SMC5: variants seen among roughly 807,000 people sequenced by gnomAD.
The protein encoded by SMC5 is structural maintenance of chromosomes protein 5.
SMC5 carries 88 observed loss-of-function variants against 148.3 expected under a neutral mutation model. The observed-to-expected ratio is 0.59, with a 90% CI of 0.50 to 0.71. The LOEUF (loss-of-function observed/expected upper bound fraction) is 0.71, where lower values mean the gene tolerates loss of function less well. SMC5 is among the 30% of genes least tolerant of loss of function. SMC5 has a pLI of 0.00. For synonymous variants in SMC5, 421 were observed against 432.8 expected (o/e 0.97, Z 0.34); for missense variants, 1,142 against 1,298.9 (o/e 0.88, Z 1.86).
chr9:70,323,512 A>G lies in SMC5; in HGVS notation c.2180A>G (p.Asn727Ser), dbSNP rs1162733084. 15 of 1,611,536 alleles carry G rather than the reference A, an allele frequency of 9.3e-6. No homozygotes were observed. Among genetic ancestry groups the G allele is most frequent in the African/African-American group, 1.3e-5 (1 of 74,828 alleles). The part of the protein sequence containing the change: ...SLKLMEQDTC[N>S]LEEEERKAST... ...AAGCTGATGGAACAGGATACTTGCA[A>G]TCTTGAAGAGGAAGAGCGAAAAGCA... Residue 727 changes from asparagine (N) to serine (S), a missense_variant, in exon 16 of 25, where the codon AAT becomes AGT. Around this residue, in one of 5 missense-constraint regions of SMC5, gnomAD observed 743 missense variants for 835.7 expected, o/e 0.89. Transcript: ENST00000361138.
rs2034657344 is a variant in SMC5, at chr9:70,278,484, G to A, written c.544-7G>A. On this transcript the variant is annotated splice_region_variant and splice_polypyrimidine_tract_variant and intron_variant, in intron 4 of 24. Coordinates refer to ENST00000361138, the MANE Select transcript of SMC5 (RefSeq NM_015110.4). ...ATAGTTGCTGATATTTAATTTTTGTGCTCTAGGACAAAGTTGGAGAATTTG... is the reference window on the plus strand; with the variant it reads ...ATAGTTGCTGATATTTAATTTTTGTACTCTAGGACAAAGTTGGAGAATTTG... 7 of 1,600,420 alleles carry A rather than the reference G, an allele frequency of 4.4e-6. No homozygotes were observed. Among genetic ancestry groups the A allele is most frequent in the Non-Finnish European group, 5.9e-6 (7 of 1,176,524 alleles).
intron 13 of SMC5, among the ~76,000 whole-genome samples, chr9:70,317,057 T>G (rs2035821856): frequency 6.6e-6 from 1 of 152,126 alleles, no homozygotes; most frequent in South Asian, 2.1e-4. Flanking sequence ...GACATCTGTA[T>G]GTACAAGAAA....
chr9:70,318,067 T>C (rs987934678), intron 13 of SMC5, among the ~76,000 whole-genome samples: 1 of 152,088 alleles, frequency 6.6e-6, no homozygotes, highest in African/African-American at 2.4e-5. Flanking sequence ...GGCCGCCTTT[T>C]TTGAAATTTT....
chr9:70,277,947 C>A (rs1330075112), intron 4 of SMC5, among the ~76,000 whole-genome samples: 1 of 151,936 alleles, frequency 6.6e-6, no homozygotes, highest in Middle Eastern at 3.4e-3. Context: ...GTCATATTAC[C>A]TATTAAATTT....
rs752054268 is a variant in SMC5, at chr9:70,347,145, C to T, written c.2648C>T (p.Thr883Met). 51 of 1,613,730 alleles carry T rather than the reference C, an allele frequency of 3.2e-5. No individual in the cohort carries two copies. The highest frequency in any genetic ancestry group is 4.1e-5 in the Non-Finnish European group (48 of 1,179,810). The part of the protein sequence containing the change: ...TEERSRASCF[T>M]GLNPTIVQEY... Reference sequence around the variant, plus strand: ...GAAAGATCAAGAGCTTCCTGCTTCACGGGACTGAATCCTACAGTATGCCTG... The same window carrying T: ...GAAAGATCAAGAGCTTCCTGCTTCATGGGACTGAATCCTACAGTATGCCTG... The change falls in exon 20 of 25, where the codon ACG becomes ATG. Residue 883 changes from threonine to methionine, a missense_variant. By Grantham distance (81) the Thr-to-Met change is moderately conservative. Around this residue, in one of 5 missense-constraint regions of SMC5, gnomAD observed 743 missense variants for 835.7 expected, o/e 0.89. Coordinates refer to ENST00000361138, the MANE Select transcript of SMC5 (RefSeq NM_015110.4).
chr9:70,265,952 A>T (rs1420199672), intron 2 of SMC5, among the ~76,000 whole-genome samples: 1 of 152,176 alleles, frequency 6.6e-6, no homozygotes, highest in Non-Finnish European at 1.5e-5. Context: ...CCAGTCAGAT[A>T]AAAAAATTAG....
At chr9:70,343,482 T>C (rs1483705835) in intron 17 of SMC5, among the ~76,000 whole-genome samples, 1 of 152,176 alleles carries the variant, frequency 6.6e-6, no homozygotes, top group East Asian at 1.9e-4. Context: ...AGTTTTGTCA[T>C]ATGAAGCCTG....
At chr9:70,266,573 A>T (rs2034297643) in intron 2 of SMC5, among the ~76,000 whole-genome samples, 1 of 152,194 alleles carries the variant, frequency 6.6e-6, no homozygotes, top group Non-Finnish European at 1.5e-5. Flanking sequence ...TTTTGTCATG[A>T]AAACACATCT....
At chr9:70,270,163 T>A (rs906042239) in intron 3 of SMC5, among the ~76,000 whole-genome samples, 1 of 152,188 alleles carries the variant, frequency 6.6e-6, no homozygotes, top group Non-Finnish European at 1.5e-5. Flanking sequence ...CAACCAGCTG[T>A]AAATTGAGGT....
At chr9:70,264,565 A>T (rs373346860) in intron 2 of SMC5, 120 bp downstream of exon 2, 1 of 905,182 alleles carries the variant, frequency 1.1e-6, no homozygotes. Flanking sequence ...AATACAAGGA[A>T]TAAATTTGGC....
At chr9:70,306,788 G>A (rs1252717721) in intron 11 of SMC5, among the ~76,000 whole-genome samples, 1 of 152,012 alleles carries the variant, frequency 6.6e-6, no homozygotes, top group Non-Finnish European at 1.5e-5. Context: ...ATTTTTCATA[G>A]CTGCTCATCA....
chr9:70,274,302 C>T (rs1034841530), intron 3 of SMC5, among the ~76,000 whole-genome samples: 2 of 152,062 alleles, frequency 1.3e-5, no homozygotes, highest in African/African-American at 2.4e-5. Flanking sequence ...AGGACGGTCT[C>T]GATCTCCTGA....
rs1172034977 is a variant in SMC5, at chr9:70,323,720, T to C, written c.2274+114T>C. The stretch of plus-strand genomic sequence containing the variant: ...ATTAAGGTTTTTGACATTTTAGTTA[T>C]ATAAGCAAGAGATCTTTATCATCAG... On this transcript the variant is annotated intron_variant, in intron 16 of 24. Transcript: ENST00000361138. 1.2e-5 allele frequency: 14 copies of C among 1,195,728 alleles called. No individual in the cohort carries two copies. The East Asian group carries it at 3.5e-4, about 30-fold the overall frequency. The allele number at this position is 1,195,728 out of a possible 1,614,324, so 74.1% of individuals were successfully genotyped here.
At position 70,286,218 on chromosome 9, in the gene SMC5, G is replaced by A; in HGVS notation, c.1000G>A (p.Ala334Thr). Residue 334 changes from alanine to threonine, a missense_variant, in exon 8 of 25, where the codon GCA becomes ACA. This residue lies in a region of SMC5 where 743 missense variants were observed against 835.7 expected (regional missense o/e 0.89). Coordinates refer to ENST00000361138, the MANE Select transcript of SMC5 (RefSeq NM_015110.4). ...TTTACAGGCAACAGATATTAAGGAG[G>A]CATCTCAAAAATGCAAACAGAAGCA... ...IKEKATDIKEASQKCKQKQDV... is the reference protein window; with the variant it reads ...IKEKATDIKETSQKCKQKQDV... 1 of 1,602,812 alleles carries A rather than the reference G, an allele frequency of 6.2e-7. No individual in the cohort carries two copies. Among genetic ancestry groups the A allele is most frequent in the African/African-American group, 1.4e-5 (1 of 74,038 alleles).
chr9:70,286,177 C>T (rs752692858), intron 7 of SMC5, 23 bp from the exon 8 acceptor site: 1 of 1,426,922 alleles, frequency 7.0e-7, no homozygotes. Flanking sequence ...CTGTCCCCCC[C>T]TCTCCCCGGT....
intron 13 of SMC5, 39 bp from the exon 14 acceptor site, chr9:70,318,468 ATATAATT>A: frequency 7.3e-7 from 1 of 1,372,054 alleles, no homozygotes; most frequent in Non-Finnish European, 9.8e-7. Flanking sequence ...ACTTTAAAAC[ATATAATT>A]TATATTAGAT....
intron 17 of SMC5, among the ~76,000 whole-genome samples, chr9:70,333,737 A>AG (rs1204791817): frequency 1.3e-5 from 2 of 152,200 alleles, no homozygotes; most frequent in Non-Finnish European, 2.9e-5. Flanking sequence ...TCCCAAAAAA[A>AG]GAAAGGAAAA....
chr9:70,315,466 A>T lies in SMC5; in HGVS notation c.1694A>T (p.Tyr565Phe). Reference protein sequence around the residue: ...NELKQYGFFSYLRELFDAPDP... With the variant: ...NELKQYGFFSFLRELFDAPDP... ...TTCAGACAATACGGATTTTTCTCTT[A>T]TTTGAGAGAATTATTTGATGCACCT... The change falls in exon 13 of 25, where the codon TAT (tyrosine) becomes TTT (phenylalanine). Residue 565 changes from tyrosine (Y) to phenylalanine (F), a missense_variant. By Grantham distance (22) the Tyr-to-Phe change is conservative. Coordinates refer to ENST00000361138, the MANE Select transcript of SMC5 (RefSeq NM_015110.4). The T allele has an allele frequency of 1.3e-6, 2 of 1,591,080 alleles. No homozygotes were observed. The highest frequency in any genetic ancestry group is 2.3e-5 in the South Asian group (2 of 87,246).
At chr9:70,267,842 A>G in intron 2 of SMC5, 81 bp from the exon 3 acceptor site, 1 of 1,291,372 alleles carries the variant, frequency 7.7e-7, no homozygotes. Flanking sequence ...TTGATTTGAC[A>G]AATAATAATG....
Sources: gnomAD v4.1 joint callset for allele counts (sites outside exome capture counted in the v4.1 genomes callset) on GRCh38, gnomAD v4.1.1 for gene constraint, gnomAD v4.1.1 regional missense constraint, MANE v1.5 for transcripts, NCBI Gene and HGNC (gene_info 2026-07-23, HGNC 2026-07-21) for gene names.